The following TSPAN9 variants were observed in gnomAD, a reference collection of about 807,000 sequenced individuals.
The protein encoded by TSPAN9 is tetraspanin 9.
Under a neutral mutation model 31.0 loss-of-function variants are expected in TSPAN9, and 16 were observed. That is an observed-to-expected ratio of 0.52 (90% CI 0.35 to 0.78). The LOEUF (loss-of-function observed/expected upper bound fraction) is 0.78, where lower values mean the gene tolerates loss of function less well. Ranked by LOEUF, TSPAN9 falls within the 30% of genes least tolerant of loss-of-function variation. The probability of loss-of-function intolerance (pLI) is 0.01; values close to 1 mark genes in which losing one functional copy is unlikely to be tolerated. For synonymous variants in TSPAN9, 145 were observed against 121.6 expected (o/e 1.19, Z -1.27); for missense variants, 272 against 312.5 (o/e 0.87, Z 0.98).
At chr12:3,195,802 T>G (rs1441545901) in intron 2 of TSPAN9, among the ~76,000 whole-genome samples, 1 of 152,202 alleles carries the variant, frequency 6.6e-6, no homozygotes, top group Non-Finnish European at 1.5e-5. Flanking sequence ...CTTTGACCTC[T>G]AAGCACCTTC....
chr12:3,280,824 A>G lies in TSPAN9; in HGVS notation c.432+341A>G, dbSNP rs1393568742. ...GGCTCTAGGAGGAGAACAAGTCCAT[A>G]GTCCCAGATGCTCCCATTTTAAGCC... On this transcript the variant is annotated intron_variant, in intron 6 of 8. Transcript: ENST00000011898. The surrounding 1 kb of genome is among the most constrained non-coding windows in gnomAD (Gnocchi z 4.5). 1.3e-5 allele frequency among the ~76,000 whole-genome samples: 2 copies of G among 152,144 alleles called. No homozygotes were observed. The highest frequency in any genetic ancestry group is 6.5e-5 in the Admixed American group (1 of 15,286).
At chr12:3,256,780 GC>G in intron 3 of TSPAN9, among the ~76,000 whole-genome samples, 1 of 152,246 alleles carries the variant, frequency 6.6e-6, no homozygotes, top group South Asian at 2.1e-4. Flanking sequence ...CCATCATGGA[GC>G]TGGACTTCAA....
At position 3,089,510 on chromosome 12, in the gene TSPAN9, T is replaced by A. The variant is rs1290821967; in HGVS notation, c.-18+5791T>A. On this transcript the variant is annotated intron_variant, in intron 2 of 8. Transcript: ENST00000011898. ...CGGGGTTTTACCGTGTTGGCCAGGGTGGTCTCGATCTCCTGACCTCGTGAT... is the reference window on the plus strand; with the variant it reads ...CGGGGTTTTACCGTGTTGGCCAGGGAGGTCTCGATCTCCTGACCTCGTGAT... Among the ~76,000 whole-genome samples, 3 of 151,808 alleles carry A rather than the reference T, an allele frequency of 2.0e-5. No homozygotes were observed. In the East Asian group the frequency reaches 5.9e-4, roughly 30 times the overall value.
intron 8 of TSPAN9, among the ~76,000 whole-genome samples, chr12:3,282,495 G>A (rs1426545470): frequency 2.6e-5 from 4 of 152,228 alleles, no homozygotes; most frequent in Non-Finnish European, 5.9e-5. Flanking sequence ...CTGGGCTCAA[G>A]CCATCGTCCC....
intron 3 of TSPAN9, among the ~76,000 whole-genome samples, chr12:3,249,481 A>G (rs1269880896): frequency 6.6e-6 from 1 of 152,218 alleles, no homozygotes. Context: ...TCCTCAAGGC[A>G]GAACCTCTGA....
intron 3 of TSPAN9, among the ~76,000 whole-genome samples, chr12:3,222,356 A>T (rs78401971): frequency 6.6e-6 from 1 of 152,332 alleles, no homozygotes; most frequent in East Asian, 1.9e-4. Flanking sequence ...AGATGCTGGC[A>T]GGCTTGGAAA....
intron 3 of TSPAN9, among the ~76,000 whole-genome samples, chr12:3,218,100 A>T (rs10491966): frequency 0.21 from 31,451 of 151,776 alleles, 3,657 homozygotes; most frequent in East Asian, 0.45. Flanking sequence ...ACAATATGGG[A>T]TGTGTACAGA....
intron 2 of TSPAN9, among the ~76,000 whole-genome samples, chr12:3,171,068 C>T (rs1373847187): frequency 6.6e-6 from 1 of 152,132 alleles, no homozygotes; most frequent in African/African-American, 2.4e-5. Flanking sequence ...TCACCTCGTG[C>T]TTGGATTATG....
intron 2 of TSPAN9, among the ~76,000 whole-genome samples, chr12:3,186,230 T>G (rs2153971666): frequency 6.6e-6 from 1 of 152,338 alleles, no homozygotes; most frequent in East Asian, 1.9e-4. Context: ...ATTCATACAT[T>G]CTTTCAAAAA....
intron 2 of TSPAN9, among the ~76,000 whole-genome samples, chr12:3,161,014 A>G (rs2153969431): frequency 6.6e-6 from 1 of 152,276 alleles, no homozygotes; most frequent in East Asian, 1.9e-4. Context: ...TGAGTTTGGC[A>G]GTTCTAGATC....
At chr12:3,089,832 G>A (rs1027053290) in intron 2 of TSPAN9, among the ~76,000 whole-genome samples, 1 of 152,092 alleles carries the variant, frequency 6.6e-6, no homozygotes, top group African/African-American at 2.4e-5. Flanking sequence ...CCTGATCCCA[G>A]GAGTTTGAGG....
chr12:3,089,156 T>A (rs555063992), intron 2 of TSPAN9, among the ~76,000 whole-genome samples: 1 of 148,478 alleles, frequency 6.7e-6, no homozygotes, highest in African/African-American at 2.5e-5. Flanking sequence ...GGCATGAACC[T>A]GGGAGGTGGA....
chr12:3,197,821 C>T, intron 2 of TSPAN9, among the ~76,000 whole-genome samples: 1 of 28,590 alleles, frequency 3.5e-5, no homozygotes, highest in African/African-American at 1.3e-4. Context: ...GCACAGGTCA[C>T]CACCAGCACA....
chr12:3,206,148 G>A, intron 3 of TSPAN9: 1 of 384,480 alleles, frequency 2.6e-6, no homozygotes, highest in South Asian at 1.9e-5. Context: ...CATGTGCCTG[G>A]CTGCCCTTGG....
At chr12:3,171,890 AGT>A (rs2098352033) in intron 2 of TSPAN9, 1 of 152,170 alleles carries the variant, frequency 6.6e-6, no homozygotes. Flanking sequence ...CTGCATCCAG[AGT>A]GGCCGCAGTC....
chr12:3,277,468 C>CCTGGAAAA (rs1483578268), intron 3 of TSPAN9, among the ~76,000 whole-genome samples: 7 of 152,148 alleles, frequency 4.6e-5, no homozygotes, highest in African/African-American at 1.7e-4. Context: ...AACAGAGGCC[C>CCTGGAAAA]CTGGAAAACA....
intron 2 of TSPAN9, among the ~76,000 whole-genome samples, chr12:3,103,274 T>C (rs2098312692): frequency 2.0e-5 from 3 of 152,230 alleles, no homozygotes; most frequent in Admixed American, 2.0e-4. Flanking sequence ...ATATTCACTA[T>C]TTTTGTCAGC....
intron 2 of TSPAN9, chr12:3,173,510 G>A (rs1206906354): frequency 1.3e-5 from 2 of 152,218 alleles, no homozygotes; most frequent in African/African-American, 2.4e-5. Flanking sequence ...TTGTTTTTGT[G>A]TATTTTTTTA....
intron 4 of TSPAN9, 67 bp from the exon 5 acceptor site, chr12:3,278,925 T>A: frequency 6.4e-7 from 1 of 1,556,562 alleles, no homozygotes; most frequent in Non-Finnish European, 8.9e-7. Flanking sequence ...GTCCCTGCCT[T>A]CCACACCCTC....
Sources: gnomAD v4.1 joint callset for allele counts (sites outside exome capture counted in the v4.1 genomes callset) on GRCh38, gnomAD v4.1.1 for gene constraint, Gnocchi (gnomAD v3.1) non-coding constraint, MANE v1.5 for transcripts, NCBI Gene and HGNC (gene_info 2026-07-23, HGNC 2026-07-21) for gene names.